Variants in CHD7 observed in about 807,000 individuals in gnomAD.
The protein encoded by CHD7 is ATP-dependent chromatin remodeler CHD7.
In CHD7, 24 loss-of-function variants were observed where a neutral mutation model predicts 307.3. That is an observed-to-expected ratio of 0.08 (90% CI 0.06 to 0.11). The LOEUF (loss-of-function observed/expected upper bound fraction) is 0.11. Among genes scored for constraint, CHD7 ranks in the 10% least tolerant of loss-of-function variants. The probability of loss-of-function intolerance (pLI) is 1.00; values close to 1 mark genes in which losing one functional copy is unlikely to be tolerated. For missense variants in CHD7, 3,106 were observed against 3,727.1 expected, an observed-to-expected ratio of 0.83 and a Z score of 4.34; for synonymous variants, 1,363 against 1,349.9, an observed-to-expected ratio of 1.01 and a Z score of -0.21.
chr8:60,742,036 C>A lies in CHD7; in HGVS notation c.604C>A (p.Gln202Lys), dbSNP rs1554581277. Residue 202 changes from glutamine (Q) to lysine (K), a missense_variant, in exon 2 of 38, where the codon CAG becomes AAG. By Grantham distance (53) the Gln-to-Lys change is moderately conservative. Around this residue, in one of 10 missense-constraint regions of CHD7, gnomAD observed 998 missense variants for 1,004.5 expected, o/e 0.99. Coordinates refer to ENST00000423902, the MANE Select transcript of CHD7 (RefSeq NM_017780.4). ...YMARGDFSMQ[Q>K]HGQPQQRMSQ... ...GGCACGTGGGGATTTTTCCATGCAG[C>A]AGCATGGTCAGCCACAGCAGAGGAT... 4 of 1,613,838 alleles carry A rather than the reference C, an allele frequency of 2.5e-6. No individual in the cohort carries two copies. The highest frequency in any genetic ancestry group is 3.4e-6 in the Non-Finnish European group (4 of 1,179,884).
chr8:60,768,300 C>T (rs1346742058), intron 2 of CHD7, among the ~76,000 whole-genome samples: 1 of 152,204 alleles, frequency 6.6e-6, no homozygotes, highest in Non-Finnish European at 1.5e-5. Flanking sequence ...ATCAGTTCAT[C>T]CAATTCCATT....
At chr8:60,688,022 TA>T (rs1805999399) in intron 1 of CHD7, among the ~76,000 whole-genome samples, 1 of 152,244 alleles carries the variant, frequency 6.6e-6, no homozygotes, top group Non-Finnish European at 1.5e-5. Flanking sequence ...CAGCCCAGGC[TA>T]TTTTTTTCTG....
intron 13 of CHD7, chr8:60,824,260 A>T: frequency 2.3e-6 from 1 of 442,168 alleles, no homozygotes; most frequent in Non-Finnish European, 4.0e-6. Flanking sequence ...CACTAAAGTG[A>T]GTTTCAAGTA....
intron 1 of CHD7, among the ~76,000 whole-genome samples, chr8:60,702,730 G>A (rs1293848463): frequency 2.0e-5 from 3 of 152,202 alleles, no homozygotes; most frequent in Non-Finnish European, 4.4e-5. Context: ...CTTTTGCTGT[G>A]TAACAAACTA....
Position 60,820,051 on chromosome 8 carries a change from G to T in CHD7, c.2658G>T (p.Arg886=). ...LFNPDYVEVD[R]IMDFARSTDD... ...ATCCAGATTATGTGGAGGTTGACCG[G>T]ATAATGGACTTTGCACGTAGCACAG... Residue 886 remains arginine (R), a synonymous_variant, in exon 9 of 38, where the codon CGG becomes CGT. Coordinates refer to ENST00000423902, the MANE Select transcript of CHD7 (RefSeq NM_017780.4). 6.2e-7 allele frequency: 1 copy of T among 1,611,424 alleles called. No individual in the cohort carries two copies. Among genetic ancestry groups the T allele is most frequent in the Non-Finnish European group, 8.5e-7 (1 of 1,178,718 alleles).
At chr8:60,806,405 G>A (rs1322492777) in intron 6 of CHD7, among the ~76,000 whole-genome samples, 2 of 152,264 alleles carry the variant, frequency 1.3e-5, no homozygotes, top group Middle Eastern at 3.4e-3. Flanking sequence ...AGGCTAGAGA[G>A]AAAAAGGTAG....
chr8:60,789,665 G>A (rs1319582362), intron 3 of CHD7, among the ~76,000 whole-genome samples: 1 of 152,168 alleles, frequency 6.6e-6, no homozygotes, highest in Non-Finnish European at 1.5e-5. Flanking sequence ...ATAAATCAGG[G>A]CAGCTACCTG....
intron 13 of CHD7, among the ~76,000 whole-genome samples, chr8:60,827,402 C>T (rs1019273927): frequency 4.6e-5 from 7 of 151,994 alleles, no homozygotes; most frequent in Non-Finnish European, 7.4e-5. Context: ...CTGGGAGACA[C>T]GATATCAATA....
In CHD7 at chr8:60,845,028, C is replaced by T. The variant is rs61737194; in HGVS notation, c.5015C>T (p.Ala1672Val). The T allele has an allele frequency of 2.5e-5, 40 of 1,613,828 alleles. No homozygotes were observed. Among genetic ancestry groups the T allele is most frequent in the African/African-American group, 1.6e-4 (12 of 74,910 alleles). Residue 1672 changes from alanine to valine, a missense_variant, in exon 22 of 38, where the codon GCG (alanine) becomes GTG (valine). Physicochemically the swap from Ala to Val is moderately conservative, Grantham distance 64. Around this residue, in one of 10 missense-constraint regions of CHD7, gnomAD observed 28 missense variants for 64.7 expected, o/e 0.43. Coordinates refer to ENST00000423902, the MANE Select transcript of CHD7 (RefSeq NM_017780.4). ...ATCTGGGATCTGATCACACCCACAG[C>T]GGATGGCCAGACTCGAGCCTTGGTC... is the stretch of plus-strand genomic sequence containing the variant. ...SFIWDLITPT[A>V]DGQTRALVNH...
intron 6 of CHD7, among the ~76,000 whole-genome samples, chr8:60,807,018 T>C (rs1812568036): frequency 6.6e-6 from 1 of 152,146 alleles, no homozygotes; most frequent in South Asian, 2.1e-4. Flanking sequence ...AAGCAAATCC[T>C]ATCTCAGAAA....
intron 1 of CHD7, among the ~76,000 whole-genome samples, chr8:60,717,124 C>T (rs1212691094): frequency 2.0e-5 from 3 of 151,392 alleles, no homozygotes; most frequent in African/African-American, 7.3e-5. Context: ...TTCATTTGTC[C>T]CGTTTACTGG....
intron 2 of CHD7, among the ~76,000 whole-genome samples, chr8:60,743,367 G>T (rs528518655): frequency 2.2e-4 from 33 of 152,326 alleles, no homozygotes; most frequent in Middle Eastern, 3.4e-3. Context: ...ATGGACAGAG[G>T]ACTCAGAATG....
intron 3 of CHD7, among the ~76,000 whole-genome samples, chr8:60,790,364 T>C (rs112287146): frequency 9.8e-5 from 15 of 152,308 alleles, no homozygotes; most frequent in Middle Eastern, 3.4e-3. Flanking sequence ...TTGGTCATTA[T>C]CAGTAATGAT....
intron 13 of CHD7, among the ~76,000 whole-genome samples, chr8:60,827,501 A>G (rs960921314): frequency 6.6e-6 from 1 of 152,156 alleles, no homozygotes; most frequent in African/African-American, 2.4e-5. Flanking sequence ...GGACTTGGGT[A>G]TGTCAGCGAT....
In CHD7 at chr8:60,856,562, C is replaced by G. The variant is rs1320897198; in HGVS notation, c.7282C>G (p.Arg2428Gly). 6.2e-7 allele frequency: 1 copy of G among 1,613,932 alleles called. No homozygotes were observed. Among genetic ancestry groups the G allele is most frequent in the East Asian group, 2.2e-5 (1 of 44,884 alleles). Residue 2428 changes from arginine (R) to glycine (G), a missense_variant, in exon 34 of 38, where the codon CGA (arginine) becomes GGA (glycine). Arg to Gly is a moderately radical substitution (Grantham distance 125). This residue lies in a region of CHD7 where 1,030 missense variants were observed against 1,165.4 expected (regional missense o/e 0.88). Coordinates refer to ENST00000423902, the MANE Select transcript of CHD7 (RefSeq NM_017780.4). Reference sequence around the variant, plus strand: ...TCTCATGGAGATGGTTGCCCAGCTTCGAGAGTCTCAGGTGGTCTCAGAAAA... The same window carrying G: ...TCTCATGGAGATGGTTGCCCAGCTTGGAGAGTCTCAGGTGGTCTCAGAAAA... ...RNLMEMVAQL[R>G]ESQVVSENGQ...
At position 60,836,843 on chromosome 8, in the gene CHD7, G is replaced by A. The variant is rs770876591; in HGVS notation, c.4016G>A (p.Arg1339Gln). 12 of 1,613,810 alleles carry A rather than the reference G, an allele frequency of 7.4e-6. No homozygotes were observed. Among genetic ancestry groups the A allele is most frequent in the South Asian group, 2.2e-5 (2 of 91,054 alleles). Residue 1339 changes from arginine to glutamine, a missense_variant, in exon 17 of 38, where the codon CGA becomes CAA. Around this residue, in one of 10 missense-constraint regions of CHD7, gnomAD observed 232 missense variants for 422.5 expected, o/e 0.55. Coordinates refer to ENST00000423902, the MANE Select transcript of CHD7 (RefSeq NM_017780.4). The part of the protein sequence containing the change: ...RRYPYERIDG[R>Q]VRGNLRQAAI... ...TACCCATATGAAAGGATCGACGGCC[G>A]AGTAAGAGGCAACCTCCGCCAGGCA...
At chr8:60,756,082 T>C (rs1202653755) in intron 2 of CHD7, among the ~76,000 whole-genome samples, 1 of 152,238 alleles carries the variant, frequency 6.6e-6, no homozygotes, top group African/African-American at 2.4e-5. Flanking sequence ...TTAATTTAAA[T>C]AGCCATGAGG....
rs542520736 is a variant in CHD7 at position 60,862,799 on chromosome 8, C to A, written c.8076+147C>A. 5.2e-3 allele frequency: 3,084 copies of A among 590,218 alleles called. 75 individuals carry two copies. The highest frequency in any genetic ancestry group is 0.049 in the African/African-American group (2,639 of 53,588). The allele number at this position is 590,218 out of a possible 1,614,324, so 36.6% of individuals were successfully genotyped here. A position where few individuals can be genotyped will look rare whatever the true frequency, so the allele number is the denominator to read the frequency against. On this transcript the variant is annotated intron_variant, in intron 37 of 37. Coordinates refer to ENST00000423902, the MANE Select transcript of CHD7 (RefSeq NM_017780.4). ...AATACATCATTTTCATACATCATTT[C>A]ATACATCATTAATACATCATTAATC...
chr8:60,831,129 A>G (rs112797201), intron 15 of CHD7, among the ~76,000 whole-genome samples: 14 of 152,296 alleles, frequency 9.2e-5, no homozygotes, highest in Middle Eastern at 3.4e-3. Context: ...TATGTAACTC[A>G]TGGCTTAAAA....
Sources: allele counts gnomAD v4.1 joint callset (sites outside exome capture counted in the v4.1 genomes callset), GRCh38; gene constraint gnomAD v4.1.1; regional missense constraint gnomAD v4.1.1; transcripts MANE v1.5; gene names NCBI Gene and HGNC (gene_info 2026-07-23, HGNC 2026-07-21).